The following BANK1 variants were observed in gnomAD, a reference collection of about 807,000 sequenced individuals.
The protein encoded by BANK1 is B-cell scaffold protein with ankyrin repeats.
BANK1 carries 95 observed loss-of-function variants against 94.5 expected under a neutral mutation model. The ratio of observed to expected loss-of-function variants is 1.00; its 90% confidence interval spans 0.85 to 1.19. The LOEUF is 1.19. Among genes scored for constraint, BANK1 ranks in the 50% most tolerant of loss-of-function variants. The probability of loss-of-function intolerance (pLI) is 0.00; values close to 1 mark genes in which losing one functional copy is unlikely to be tolerated. For missense variants in BANK1, 987 were observed against 932.2 expected, an observed-to-expected ratio of 1.06 and a Z score of -0.77; for synonymous variants, 334 against 308.4, an observed-to-expected ratio of 1.08 and a Z score of -0.87.
chr4:101,793,200 A>G (rs1725054027), intron 1 of BANK1, among the ~76,000 whole-genome samples: 1 of 152,196 alleles, frequency 6.6e-6, no homozygotes, highest in Admixed American at 6.5e-5. Flanking sequence ...GGATGCTTAT[A>G]CTTGTAAGGA....
At chr4:101,832,876 CT>C (rs1726674361) in intron 2 of BANK1, among the ~76,000 whole-genome samples, 1 of 151,682 alleles carries the variant, frequency 6.6e-6, no homozygotes, top group South Asian at 2.1e-4. Flanking sequence ...TCCTTCTTTG[CT>C]TTCTTTTTCC....
intron 13 of BANK1, among the ~76,000 whole-genome samples, chr4:102,070,327 C>G (rs1225372735): frequency 6.6e-6 from 1 of 152,134 alleles, no homozygotes; most frequent in Non-Finnish European, 1.5e-5. Context: ...GTCCGCCTTA[C>G]ACTTGGGAAG....
intron 1 of BANK1, among the ~76,000 whole-genome samples, chr4:101,804,603 C>T (rs1166772511): frequency 6.6e-6 from 1 of 152,088 alleles, no homozygotes; most frequent in Non-Finnish European, 1.5e-5. Context: ...CAGTTGCCCA[C>T]CATTTCAAAT....
chr4:101,854,608 T>G (rs1038428856), intron 2 of BANK1, among the ~76,000 whole-genome samples: 7 of 149,504 alleles, frequency 4.7e-5, no homozygotes, highest in Non-Finnish European at 7.4e-5. Context: ...GTGCTTTCTG[T>G]TTTTTTTTTA....
intron 2 of BANK1, among the ~76,000 whole-genome samples, chr4:101,839,950 T>A (rs1332879050): frequency 0.044 from 1,215 of 27,870 alleles, 86 homozygotes; most frequent in African/African-American, 0.12. Flanking sequence ...TTTTTTTTTT[T>A]TTTTTTTTTT....
In BANK1 at chr4:102,049,242, A is replaced by C. The variant is rs140727977; in HGVS notation, c.1969+5335A>C. Among the ~76,000 whole-genome samples, 34 of 152,318 alleles carry C rather than the reference A, an allele frequency of 2.2e-4. No individual in the cohort carries two copies. The East Asian group carries it at 6.0e-3, about 27-fold the overall frequency. ...CTATAAAATATACTTAGTCATTAGAAGATTTCTAAGTGAACATGATCAAGT... is the reference window on the plus strand; with the variant it reads ...CTATAAAATATACTTAGTCATTAGACGATTTCTAAGTGAACATGATCAAGT... On this transcript the variant is annotated intron_variant, in intron 11 of 16. Coordinates refer to ENST00000322953, the MANE Select transcript of BANK1 (RefSeq NM_017935.5).
chr4:101,886,560 C>T (rs981055481), intron 5 of BANK1, among the ~76,000 whole-genome samples: 4 of 152,036 alleles, frequency 2.6e-5, no homozygotes, highest in East Asian at 1.9e-4. Context: ...TTTAACAGTA[C>T]GTTGTTACAA....
intron 5 of BANK1, among the ~76,000 whole-genome samples, chr4:101,888,480 C>G (rs946020925): frequency 6.6e-6 from 1 of 152,150 alleles, no homozygotes; most frequent in Non-Finnish European, 1.5e-5. Context: ...GATCTTGAAG[C>G]CATGGGAGCA....
chr4:101,839,297 T>C (rs1010993205), intron 2 of BANK1, among the ~76,000 whole-genome samples: 1 of 152,208 alleles, frequency 6.6e-6, no homozygotes, highest in Non-Finnish European at 1.5e-5. Context: ...TTTCAGGAAC[T>C]ATATTCATTA....
At chr4:101,819,865 A>G (rs7693190) in intron 1 of BANK1, among the ~76,000 whole-genome samples, 26,586 of 152,142 alleles carry the variant, frequency 0.17, 3,449 homozygotes, top group African/African-American at 0.34. Context: ...CTGGTGTCCT[A>G]TTTGTGTATC....
At chr4:102,055,342 T>C (rs1423911893) in intron 11 of BANK1, among the ~76,000 whole-genome samples, 1 of 151,972 alleles carries the variant, frequency 6.6e-6, no homozygotes, top group Non-Finnish European at 1.5e-5. Flanking sequence ...TTTTAAAAAA[T>C]CTTATAAAAT....
chr4:101,883,511 T>A (rs1728748612), intron 5 of BANK1, among the ~76,000 whole-genome samples: 1 of 152,230 alleles, frequency 6.6e-6, no homozygotes, highest in Non-Finnish European at 1.5e-5. Flanking sequence ...AATTTATAGT[T>A]TCTTATCACT....
At chr4:102,060,115 G>GAAGA (rs1240354896) in intron 11 of BANK1, 96 bp from the exon 12 acceptor site, 1 of 1,125,206 alleles carries the variant, frequency 8.9e-7, no homozygotes, top group African/African-American at 1.6e-5. Context: ...AGAGAGTTAA[G>GAAGA]AAGAAGCTAC....
intron 6 of BANK1, among the ~76,000 whole-genome samples, chr4:101,908,793 G>A (rs961770932): frequency 6.6e-6 from 1 of 152,184 alleles, no homozygotes; most frequent in Non-Finnish European, 1.5e-5. Context: ...GCAGCCAACA[G>A]ACACATGAGA....
chr4:101,842,828 A>T (rs1197795491), intron 2 of BANK1, among the ~76,000 whole-genome samples: 1 of 152,198 alleles, frequency 6.6e-6, no homozygotes, highest in Non-Finnish European at 1.5e-5. Context: ...TTCAGTCATG[A>T]GAGATTCTCA....
chr4:101,938,869 C>G (rs1417358401), intron 7 of BANK1, among the ~76,000 whole-genome samples: 1 of 151,638 alleles, frequency 6.6e-6, no homozygotes, highest in Non-Finnish European at 1.5e-5. Flanking sequence ...AAACTACATT[C>G]AGTCAACTCT....
At chr4:102,065,909 G>A (rs1728575747) in intron 13 of BANK1, among the ~76,000 whole-genome samples, 3 of 151,956 alleles carry the variant, frequency 2.0e-5, no homozygotes, top group South Asian at 4.1e-4. Context: ...AATGAACAGA[G>A]TCCCAGCGAC....
At chr4:101,977,115 AAC>A (rs1245655464) in intron 7 of BANK1, 1 of 152,180 alleles carries the variant, frequency 6.6e-6, no homozygotes, top group Non-Finnish European at 1.5e-5. Context: ...AATAACAGAA[AAC>A]ACAGAATTCT....
chr4:101,944,730 G>C (rs1342370825), intron 7 of BANK1, among the ~76,000 whole-genome samples: 2 of 151,962 alleles, frequency 1.3e-5, no homozygotes, highest in African/African-American at 4.8e-5. Flanking sequence ...AGCAGGTTTT[G>C]TTGATCTGTG....
Sources: gnomAD v4.1 joint callset for allele counts (sites outside exome capture counted in the v4.1 genomes callset) on GRCh38, gnomAD v4.1.1 for gene constraint, MANE v1.5 for transcripts, NCBI Gene and HGNC (gene_info 2026-07-23, HGNC 2026-07-21) for gene names.